Variants in ZNF808 observed in about 807,000 individuals in gnomAD.
ZNF808 encodes zinc finger protein 808.
A neutral mutation model predicts 8.7 loss-of-function variants in ZNF808; 5 were observed. The observed-to-expected ratio is 0.58, with a 90% CI of 0.30 to 1.21. The LOEUF (loss-of-function observed/expected upper bound fraction) is 1.21, where lower values mean the gene tolerates loss of function less well. ZNF808 is among the 50% of genes most tolerant of loss of function. ZNF808 has a pLI of 0.07. For synonymous variants in ZNF808, 380 were observed against 366.0 expected, an observed-to-expected ratio of 1.04 and a Z score of -0.44; for missense variants, 1,103 against 1,098.4, an observed-to-expected ratio of 1.00 and a Z score of -0.06.
At position 52,555,739 on chromosome 19, in the gene ZNF808, A is replaced by G; in HGVS notation, c.*111A>G. ...GTAATAAATGTGGCATGTTTTTCAG[A>G]CATTGTTCATACATTGCAGTTCATT... On this transcript the variant is annotated 3_prime_UTR_variant, in exon 5 of 5. Transcript: ENST00000359798. 4 of 1,469,622 alleles carry G rather than the reference A, an allele frequency of 2.7e-6. No individual in the cohort carries two copies. The highest frequency in any genetic ancestry group is 3.7e-6 in the Non-Finnish European group (4 of 1,079,266). 91.0% of individuals were successfully genotyped at this position (1,469,622 alleles called of 1,614,324 possible).
downstream of ZNF808, among the ~76,000 whole-genome samples, chr19:52,566,038 A>G (rs2059872246): frequency 1.3e-5 from 2 of 152,218 alleles, no homozygotes; most frequent in South Asian, 4.1e-4. Flanking sequence ...AAAAATGAGT[A>G]TAATGGAAAG....
downstream of ZNF808, among the ~76,000 whole-genome samples, chr19:52,568,751 G>T (rs952836792): frequency 1.3e-5 from 2 of 152,314 alleles, no homozygotes; most frequent in Middle Eastern, 3.4e-3. Flanking sequence ...AATTAATAAT[G>T]TATTCTAAAT....
chr19:52,546,107 C>G (rs1347480948), intron 3 of ZNF808, among the ~76,000 whole-genome samples: 1 of 151,700 alleles, frequency 6.6e-6, no homozygotes, highest in African/African-American at 2.4e-5. Context: ...TGGCTTAAGA[C>G]ATGGGAAGCA....
At chr19:52,541,746 C>T (rs888869627) in intron 2 of ZNF808, among the ~76,000 whole-genome samples, 1 of 151,970 alleles carries the variant, frequency 6.6e-6, no homozygotes, top group African/African-American at 2.4e-5. Flanking sequence ...CACCTTGAAC[C>T]TTATCATCTC....
chr19:52,531,059 G>T (rs750773939), intron 1 of ZNF808, among the ~76,000 whole-genome samples: 5 of 152,190 alleles, frequency 3.3e-5, no homozygotes, highest in Non-Finnish European at 7.3e-5. Flanking sequence ...TGAAGCAGGA[G>T]AATCTCTTTA....
At chr19:52,551,550 C>A (rs1172132210) in intron 4 of ZNF808, among the ~76,000 whole-genome samples, 1 of 152,010 alleles carries the variant, frequency 6.6e-6, no homozygotes, top group South Asian at 2.1e-4. Flanking sequence ...CTTTTTTCTT[C>A]AGAGGAAGTT....
intron 1 of ZNF808, among the ~76,000 whole-genome samples, chr19:52,532,618 AT>A (rs1171055883): frequency 6.6e-6 from 1 of 152,132 alleles, no homozygotes; most frequent in Non-Finnish European, 1.5e-5. Context: ...ACTGTGATAC[AT>A]TTTAGGGTCA....
At chr19:52,543,879 C>T (rs1195874717) in intron 3 of ZNF808, among the ~76,000 whole-genome samples, 2 of 151,052 alleles carry the variant, frequency 1.3e-5, no homozygotes, top group Non-Finnish European at 2.9e-5. Context: ...AGATGTTGGT[C>T]CCAGTGCAGT....
intron 3 of ZNF808, among the ~76,000 whole-genome samples, chr19:52,547,270 T>C (rs1475625688): frequency 6.6e-6 from 1 of 152,080 alleles, no homozygotes; most frequent in Non-Finnish European, 1.5e-5. Context: ...TTTATTTATA[T>C]AGTTTTTATA....
chr19:52,564,075 C>A, exon 4 of ZNF808: 2 of 634,804 alleles, frequency 3.2e-6, no homozygotes, highest in South Asian at 2.9e-5. Flanking sequence ...CACTTCTTGT[C>A]ATGTCTTCTC....
downstream of ZNF808, among the ~76,000 whole-genome samples, chr19:52,560,918 T>A (rs117003242): frequency 4.5e-3 from 688 of 152,238 alleles, 3 homozygotes; most frequent in Non-Finnish European, 6.4e-3. Flanking sequence ...GATTTTGTAA[T>A]AGTGAACACC....
intron 2 of ZNF808, among the ~76,000 whole-genome samples, chr19:52,539,292 C>G (rs2123108721): frequency 6.8e-6 from 1 of 147,334 alleles, no homozygotes; most frequent in Admixed American, 6.9e-5. Flanking sequence ...CTCCTGGGTT[C>G]AAGGAATTCT....
chr19:52,555,342 A>T lies in ZNF808; in HGVS notation c.2426A>T (p.His809Leu), dbSNP rs746258983. The T allele has an allele frequency of 6.2e-7, 1 of 1,614,086 alleles. No homozygotes were observed. The change falls in exon 5 of 5, where the codon CAT becomes CTT. Residue 809 changes from histidine (H) to leucine (L), a missense_variant. By Grantham distance (99) the His-to-Leu change is moderately conservative. Coordinates refer to ENST00000359798, the MANE Select transcript of ZNF808 (RefSeq NM_001039886.4). ...AFVRNSYLAR[H>L]IRIHTAEKPY... Reference sequence around the variant, plus strand: ...GTGCGTAATTCATACCTGGCAAGACATATTAGAATTCACACTGCAGAGAAA... The same window carrying T: ...GTGCGTAATTCATACCTGGCAAGACTTATTAGAATTCACACTGCAGAGAAA...
intron 2 of ZNF808, among the ~76,000 whole-genome samples, chr19:52,541,140 C>T (rs1185608379): frequency 2.0e-5 from 3 of 151,752 alleles, no homozygotes; most frequent in African/African-American, 4.8e-5. Flanking sequence ...TTAGTAGAGA[C>T]GGGATGTCAC....
intron 2 of ZNF808, among the ~76,000 whole-genome samples, chr19:52,540,046 C>G (rs1490879160): frequency 6.6e-6 from 1 of 152,012 alleles, no homozygotes; most frequent in African/African-American, 2.4e-5. Flanking sequence ...TTGAGACTCT[C>G]TGTCACCCAC....
intron 2 of ZNF808, among the ~76,000 whole-genome samples, chr19:52,533,824 C>G (rs1006817048): frequency 4.8e-5 from 4 of 83,542 alleles, no homozygotes; most frequent in African/African-American, 1.9e-4. Context: ...GCCTGGGTGA[C>G]AAAGTGAGAC....
intron 3 of ZNF808, 124 bp downstream of exon 3, chr19:52,543,471 G>C: frequency 1.4e-6 from 2 of 1,421,926 alleles, no homozygotes; most frequent in Non-Finnish European, 9.4e-7. Context: ...CATTTTGCCT[G>C]ACACGTTCAC....
chr19:52,553,210 T>C lies in ZNF808; in HGVS notation c.294T>C (p.Ile98=), dbSNP rs775279029. The change falls in exon 5 of 5, where the codon ATT becomes ATC. Residue 98 remains isoleucine (I), a synonymous_variant. Transcript: ENST00000359798. Reference sequence around the variant, plus strand: ...TGCAAAGACATCAAAGTTATCACATTGGAGACTTTTGCTTCCAGGAAATTG... The same window carrying C: ...TGCAAAGACATCAAAGTTATCACATCGGAGACTTTTGCTTCCAGGAAATTG... ...GTLQRHQSYH[I]GDFCFQEIEK... 3 of 1,614,078 alleles carry C rather than the reference T, an allele frequency of 1.9e-6. No homozygotes were observed. The highest frequency in any genetic ancestry group is 2.2e-5 in the South Asian group (2 of 91,028).
exon 4 of ZNF808, chr19:52,563,559 G>A (rs946501628): frequency 2.0e-5 from 3 of 152,394 alleles, no homozygotes; most frequent in African/African-American, 7.2e-5. Flanking sequence ...GTAAAGTTTG[G>A]GTACAGGAAT....
Sources: allele counts gnomAD v4.1 joint callset (sites outside exome capture counted in the v4.1 genomes callset), GRCh38; gene constraint gnomAD v4.1.1; transcripts MANE v1.5; gene names NCBI Gene and HGNC (gene_info 2026-07-23, HGNC 2026-07-21).